TMEM230: variants seen among roughly 807,000 people sequenced by gnomAD.
TMEM230 encodes the protein transmembrane protein 230.
TMEM230 carries 10 observed loss-of-function variants against 15.8 expected under a neutral mutation model. The observed-to-expected ratio is 0.63, with a 90% CI of 0.39 to 1.07. The LOEUF (loss-of-function observed/expected upper bound fraction) is 1.07. TMEM230 is among the 50% of genes least tolerant of loss of function. TMEM230 has a pLI of 0.01. For synonymous variants in TMEM230, 67 were observed against 76.9 expected, an observed-to-expected ratio of 0.87 and a Z score of 0.68; for missense variants, 165 against 193.3, an observed-to-expected ratio of 0.85 and a Z score of 0.87.
At chr20:5,096,428 G>A (rs1416884585), downstream of TMEM230, among the ~76,000 whole-genome samples, 1 of 152,184 alleles carries the variant, frequency 6.6e-6, no homozygotes, top group Non-Finnish European at 1.5e-5. Flanking sequence ...GAGCCTATGG[G>A]ACTGAATCTA....
intron 3 of TMEM230, among the ~76,000 whole-genome samples, chr20:5,074,188 A>G (rs1312640196): frequency 6.6e-6 from 1 of 152,134 alleles, no homozygotes; most frequent in African/African-American, 2.4e-5. Context: ...ACACTTCAAC[A>G]TGAGATTTGA....
At chr20:5,062,171 G>A in the TMEM230 span, among the ~76,000 whole-genome samples, 1 of 151,386 alleles carries the variant, frequency 6.6e-6, no homozygotes, top group Non-Finnish European at 1.5e-5. Flanking sequence ...ACAGTGAGCC[G>A]AGATCGCACC....
chr20:5,104,961 C>G (rs2090011863), intron 4 of TMEM230, among the ~76,000 whole-genome samples: 1 of 152,168 alleles, frequency 6.6e-6, no homozygotes, highest in African/African-American at 2.4e-5. Flanking sequence ...CACAAAGTGA[C>G]TAGAGAATAA....
intron 3 of TMEM230, chr20:5,069,441 C>T: frequency 7.5e-7 from 1 of 1,330,622 alleles, no homozygotes; most frequent in Non-Finnish European, 1.0e-6. Flanking sequence ...ACATCTTATG[C>T]ATTTTGGTGC....
intron 3 of TMEM230, among the ~76,000 whole-genome samples, chr20:5,077,416 G>A (rs186030730): frequency 7.4e-4 from 112 of 152,274 alleles, no homozygotes; most frequent in Admixed American, 1.8e-3. Flanking sequence ...ACAAAAATCT[G>A]GTCCTTGGCC....
intron 3 of TMEM230, among the ~76,000 whole-genome samples, chr20:5,108,639 T>C (rs144213057): frequency 6.6e-6 from 1 of 152,304 alleles, no homozygotes; most frequent in East Asian, 1.9e-4. Context: ...CTCCTTCAAA[T>C]GTGGGTCCAA....
chr20:5,106,241 C>T lies in TMEM230; in HGVS notation c.358G>A (p.Ala120Thr), dbSNP rs780164928. Residue 120 changes from alanine (A) to threonine (T), a missense_variant, in exon 4 of 5, where the codon GCC becomes ACC. By Grantham distance (58) the Ala-to-Thr change is moderately conservative (BLOSUM62 0). Transcript: ENST00000342308. ...AGGGAGCCTATAATAATGAGAAAGGCGCCAATCAAAAACAGCACAGTGGCA... is the reference window on the plus strand; with the variant it reads ...AGGGAGCCTATAATAATGAGAAAGGTGCCAATCAAAAACAGCACAGTGGCA... 9.9e-6 allele frequency: 16 copies of T among 1,613,770 alleles called. No homozygotes were observed. In the East Asian group the frequency reaches 1.1e-4, roughly 11 times the overall value.
Position 5,112,644 on chromosome 20 carries a change from C to A in TMEM230, c.68+317G>T, listed in dbSNP as rs1254080238. ...ACCAGCTCACCGCTACCCCCAAACTCCCTCAGCACCTGAATGTTACGAGAG... is the reference window on the plus strand; with the variant it reads ...ACCAGCTCACCGCTACCCCCAAACTACCTCAGCACCTGAATGTTACGAGAG... On this transcript the variant is annotated intron_variant, in intron 1 of 4. Coordinates refer to ENST00000342308, the MANE Select transcript of TMEM230 (RefSeq NM_001009923.2). 4 of 1,305,118 alleles carry A rather than the reference C, an allele frequency of 3.1e-6. No individual in the cohort carries two copies. In the African/African-American group the frequency reaches 6.2e-5, roughly 20 times the overall value. The allele number at this position is 1,305,118 out of a possible 1,614,324, so 80.8% of individuals were successfully genotyped here. A position where few individuals can be genotyped will look rare whatever the true frequency, so the allele number is the denominator to read the frequency against.
At chr20:5,072,518 C>T (rs1443963957) in intron 3 of TMEM230, among the ~76,000 whole-genome samples, 7 of 145,384 alleles carry the variant, frequency 4.8e-5, no homozygotes, top group South Asian at 2.1e-4. Flanking sequence ...CCTTTTTGGC[C>T]GTGAGACTAT....
At chr20:5,067,411 AT>A (rs1162393655), downstream of TMEM230, 10 of 1,496 alleles carry the variant, frequency 6.7e-3, no homozygotes, top group Non-Finnish European at 0.011. Flanking sequence ...GTTTAGGCTC[AT>A]ATATATATAT....
Position 5,106,260 on chromosome 20 carries a change from A to G in TMEM230, c.339T>C (p.Thr113=), listed in dbSNP as rs374402629. 1.2e-6 allele frequency: 2 copies of G among 1,614,150 alleles called. No homozygotes were observed. The highest frequency in any genetic ancestry group is 2.2e-5 in the East Asian group (1 of 44,884). ...GAAAGGCGCCAATCAAAAACAGCAC[A>G]GTGGCAAGTGCGATGGCCTTATAAG... Residue 113 remains threonine, a synonymous_variant, in exon 4 of 5, where the codon ACT becomes ACC. Coordinates refer to ENST00000342308, the MANE Select transcript of TMEM230 (RefSeq NM_001009923.2).
At chr20:5,084,228 T>G (rs2089265458) in intron 3 of TMEM230, among the ~76,000 whole-genome samples, 1 of 149,260 alleles carries the variant, frequency 6.7e-6, no homozygotes, top group Admixed American at 6.7e-5. Flanking sequence ...CTATTTTAAT[T>G]TTTTTTTTTT....
At chr20:5,088,149 A>T (rs2089404643) in intron 3 of TMEM230, among the ~76,000 whole-genome samples, 1 of 151,454 alleles carries the variant, frequency 6.6e-6, no homozygotes, top group Non-Finnish European at 1.5e-5. Context: ...TCTCTACTAA[A>T]AATACAAAAA....
chr20:5,106,187 C>T lies in TMEM230; in HGVS notation c.411+1G>A, dbSNP rs1453019692. 4.4e-6 allele frequency: 7 copies of T among 1,607,024 alleles called. No homozygotes were observed. Among genetic ancestry groups the T allele is most frequent in the Non-Finnish European group, 5.1e-6 (6 of 1,178,196 alleles). ...TTATTCCCACATGCCCGTCAGCTTA[C>T]CCCTTTGCTGATGTAGCCTGACAGC... is the stretch of plus-strand genomic sequence containing the variant. On this transcript the variant is annotated splice_donor_variant, in intron 4 of 4. Transcript: ENST00000342308. LOFTEE classifies it high-confidence loss of function.
intron 3 of TMEM230, among the ~76,000 whole-genome samples, chr20:5,108,280 G>A (rs184717169): frequency 5.9e-5 from 9 of 152,068 alleles, no homozygotes; most frequent in East Asian, 3.9e-4. Flanking sequence ...TTAGCTGGGC[G>A]TGGTGGCGCA....
At chr20:5,069,190 A>T in exon 4 of TMEM230, 5 of 1,525,860 alleles carry the variant, frequency 3.3e-6, no homozygotes, top group Non-Finnish European at 4.4e-6. Flanking sequence ...CACCAACCTC[A>T]GTCAGGTGAT....
At chr20:5,102,688 CAAAA>C (rs58106156) in intron 4 of TMEM230, among the ~76,000 whole-genome samples, 38 of 83,016 alleles carry the variant, frequency 4.6e-4, no homozygotes, top group African/African-American at 1.0e-3. Flanking sequence ...GACCCTGTCT[CAAAA>C]AAAAAAAAAA....
chr20:5,095,597 A>C (rs1383023969), downstream of TMEM230, among the ~76,000 whole-genome samples: 1 of 152,134 alleles, frequency 6.6e-6, no homozygotes, highest in Admixed American at 6.6e-5. Context: ...GTGCCCCCAC[A>C]CCCAGGGCCA....
At chr20:5,071,611 G>A (rs141597717) in intron 3 of TMEM230, among the ~76,000 whole-genome samples, 7,178 of 110,758 alleles carry the variant, frequency 0.065, 550 homozygotes, top group African/African-American at 0.22. Context: ...TAACAAGAGC[G>A]AAACTCCGTC....
Sources: gnomAD v4.1 joint callset for allele counts (sites outside exome capture counted in the v4.1 genomes callset) on GRCh38, gnomAD v4.1.1 for gene constraint, MANE v1.5 for transcripts, NCBI Gene and HGNC (gene_info 2026-07-23, HGNC 2026-07-21) for gene names.